Variants in NRXN1 observed in about 807,000 individuals in gnomAD.
NRXN1 encodes neurexin 1.
A neutral mutation model predicts 150.9 loss-of-function variants in NRXN1; 39 were observed. The observed-to-expected ratio is 0.26, with a 90% CI of 0.20 to 0.34. The LOEUF (loss-of-function observed/expected upper bound fraction) is 0.34, where lower values mean the gene tolerates loss of function less well. Among genes scored for constraint, NRXN1 ranks in the 10% least tolerant of loss-of-function variants. The probability of loss-of-function intolerance (pLI) is 1.00; values close to 1 mark genes in which losing one functional copy is unlikely to be tolerated. For synonymous variants in NRXN1, 924 were observed against 757.0 expected, an observed-to-expected ratio of 1.22 and a Z score of -3.62; for missense variants, 1,815 against 1,949.9, an observed-to-expected ratio of 0.93 and a Z score of 1.30.
intron 4 of NRXN1, 107 bp downstream of exon 4, chr2:50,922,551 G>T (rs1686199918): frequency 1.0e-6 from 1 of 960,442 alleles, no homozygotes; most frequent in East Asian, 2.6e-5. Flanking sequence ...TTAATTTGCA[G>T]CCATATAATT....
At chr2:50,659,742 T>TC (rs1221422181) in intron 5 of NRXN1, among the ~76,000 whole-genome samples, 1 of 151,662 alleles carries the variant, frequency 6.6e-6, no homozygotes, top group African/African-American at 2.4e-5. Flanking sequence ...TTTTTTTTTT[T>TC]TCCCAAATCC....
At chr2:50,414,346 C>T (rs10185079) in intron 17 of NRXN1, among the ~76,000 whole-genome samples, 38,069 of 151,420 alleles carry the variant, frequency 0.25, 6,460 homozygotes, top group African/African-American at 0.47. Flanking sequence ...TAAATATATA[C>T]CTACTATATA....
At chr2:50,022,902 T>G (rs1687778644) in intron 21 of NRXN1, 2 of 152,166 alleles carry the variant, frequency 1.3e-5, no homozygotes, top group South Asian at 2.1e-4. Flanking sequence ...AAATAGAGCT[T>G]CTAGGAAGAC....
At chr2:50,888,149 G>T (rs1458537646) in intron 5 of NRXN1, among the ~76,000 whole-genome samples, 1 of 151,468 alleles carries the variant, frequency 6.6e-6, no homozygotes, top group East Asian at 1.9e-4. Context: ...AAAACTGGGA[G>T]AATGAAGTAT....
At chr2:50,865,848 A>C (rs1372317856) in intron 5 of NRXN1, among the ~76,000 whole-genome samples, 1 of 150,988 alleles carries the variant, frequency 6.6e-6, no homozygotes, top group Non-Finnish European at 1.5e-5. Context: ...TAGCTCATTT[A>C]ATCTTAAAAA....
intron 9 of NRXN1, among the ~76,000 whole-genome samples, chr2:50,544,416 T>G (rs571351882): frequency 6.6e-6 from 1 of 152,138 alleles, no homozygotes; most frequent in South Asian, 2.1e-4. Flanking sequence ...ATCTATGAGG[T>G]TTTTAAAGAA....
intron 13 of NRXN1, among the ~76,000 whole-genome samples, chr2:50,501,716 A>C (rs2091959912): frequency 6.6e-6 from 1 of 151,876 alleles, no homozygotes; most frequent in Non-Finnish European, 1.5e-5. Flanking sequence ...CTTCCCACTT[A>C]GGGATTCCAC....
intron 5 of NRXN1, among the ~76,000 whole-genome samples, chr2:50,762,122 TACACACACACAC>T (rs35059030): frequency 6.9e-6 from 1 of 145,838 alleles, no homozygotes; most frequent in African/African-American, 2.5e-5. Flanking sequence ...TATATGTGTA[TACACACACACAC>T]ACACACACAC....
At chr2:50,638,949 A>T (rs1047014297) in intron 5 of NRXN1, among the ~76,000 whole-genome samples, 60 of 151,622 alleles carry the variant, frequency 4.0e-4, no homozygotes, top group Admixed American at 2.8e-3. Context: ...CCCTCAATAC[A>T]CTCTTCTACT....
At chr2:50,938,201 T>C (rs1470780637) in intron 2 of NRXN1, among the ~76,000 whole-genome samples, 3 of 152,170 alleles carry the variant, frequency 2.0e-5, no homozygotes, top group African/African-American at 2.4e-5. Flanking sequence ...TACTATACAC[T>C]ATTGTAAACT....
chr2:50,154,277 G>A (rs1258452461), intron 18 of NRXN1, among the ~76,000 whole-genome samples: 3 of 151,700 alleles, frequency 2.0e-5, no homozygotes, highest in Middle Eastern at 3.4e-3. Context: ...CTCGGGTGAT[G>A]AGTGCACCAA....
At chr2:50,026,362 G>A (rs938410468) in intron 21 of NRXN1, among the ~76,000 whole-genome samples, 1 of 152,222 alleles carries the variant, frequency 6.6e-6, no homozygotes, top group Non-Finnish European at 1.5e-5. Flanking sequence ...GGTCTGGAGA[G>A]TGTAGTTTTT....
chr2:50,288,745 A>G (rs569110656), intron 17 of NRXN1, among the ~76,000 whole-genome samples: 41 of 152,276 alleles, frequency 2.7e-4, no homozygotes, highest in African/African-American at 9.1e-4. Flanking sequence ...CCATGATTCA[A>G]TCACCTCCCA....
At chr2:50,639,037 A>C (rs1355465782) in intron 5 of NRXN1, among the ~76,000 whole-genome samples, 1 of 151,980 alleles carries the variant, frequency 6.6e-6, no homozygotes, top group Non-Finnish European at 1.5e-5. Context: ...GGAAAACACA[A>C]ACGTTATTCA....
At chr2:50,747,753 C>T (rs1700174217) in intron 5 of NRXN1, among the ~76,000 whole-genome samples, 1 of 152,028 alleles carries the variant, frequency 6.6e-6, no homozygotes, top group Non-Finnish European at 1.5e-5. Context: ...ATGTGCTAAT[C>T]TTCTAATTAT....
chr2:50,341,412 A>G (rs904590822), intron 17 of NRXN1, among the ~76,000 whole-genome samples: 1 of 150,826 alleles, frequency 6.6e-6, no homozygotes, highest in Non-Finnish European at 1.5e-5. Context: ...AAAAAAAAAA[A>G]TCATTGGGAA....
intron 21 of NRXN1, among the ~76,000 whole-genome samples, chr2:50,021,873 T>G (rs1362658915): frequency 1.3e-5 from 2 of 152,168 alleles, no homozygotes; most frequent in East Asian, 1.9e-4. Flanking sequence ...TATTTAGAGA[T>G]GGAGTCTCGT....
At chr2:50,733,324 T>A (rs1698331154) in intron 5 of NRXN1, among the ~76,000 whole-genome samples, 1 of 151,916 alleles carries the variant, frequency 6.6e-6, no homozygotes, top group African/African-American at 2.4e-5. Context: ...TTGGGAAATA[T>A]TTTTTTTATT....
intron 5 of NRXN1, among the ~76,000 whole-genome samples, chr2:50,720,962 C>G (rs923834639): frequency 1.3e-4 from 20 of 152,268 alleles, no homozygotes; most frequent in African/African-American, 4.6e-4. Flanking sequence ...TTCCAGTCTG[C>G]AATCCTACAA....
Sources: gnomAD v4.1 joint callset for allele counts (sites outside exome capture counted in the v4.1 genomes callset) on GRCh38, gnomAD v4.1.1 for gene constraint, MANE v1.5 for transcripts, NCBI Gene and HGNC (gene_info 2026-07-23, HGNC 2026-07-21) for gene names.